The following PCDHGA9 variants were observed in gnomAD, a reference collection of about 807,000 sequenced individuals.
PCDHGA9 encodes the protein protocadherin gamma subfamily A, 9.
In PCDHGA9, 37 loss-of-function variants were observed where a neutral mutation model predicts 62.5. The observed-to-expected ratio is 0.59, with a 90% CI of 0.46 to 0.78. The LOEUF (loss-of-function observed/expected upper bound fraction) is 0.78, where lower values mean the gene tolerates loss of function less well. Ranked by LOEUF, PCDHGA9 falls within the 30% of genes least tolerant of loss-of-function variation. PCDHGA9 has a pLI of 0.00. For synonymous variants in PCDHGA9, 459 were observed against 484.6 expected, an observed-to-expected ratio of 0.95 and a Z score of 0.69; for missense variants, 1,138 against 1,166.2, an observed-to-expected ratio of 0.98 and a Z score of 0.35.
At position 141,476,090 on chromosome 5, in the gene PCDHGA9, C is replaced by T; in HGVS notation, c.2425-18717C>T. On this transcript the variant is annotated intron_variant, in intron 1 of 3. Coordinates refer to ENST00000573521, the MANE Select transcript of PCDHGA9 (RefSeq NM_018921.3). The surrounding 1 kb of genome is among the most constrained non-coding windows in gnomAD (Gnocchi z 7.6). ...GAAATCTCAGGGACGATCTGGACCC[C>T]GCTGAGAGGAACTGCTTTTGAGTGA... 3 of 1,562,222 alleles carry T rather than the reference C, an allele frequency of 1.9e-6. No individual in the cohort carries two copies. Among genetic ancestry groups the T allele is most frequent in the African/African-American group, 1.4e-5 (1 of 73,764 alleles).
In PCDHGA9 at chr5:141,419,638, C is replaced by T. The variant is rs191182165; in HGVS notation, c.2424+14262C>T. On this transcript the variant is annotated intron_variant, in intron 1 of 3. Coordinates refer to ENST00000573521, the MANE Select transcript of PCDHGA9 (RefSeq NM_018921.3). Reference sequence around the variant, plus strand: ...GCTACCTGGTGACCAAGGTGGTGGCCGTGGACGCGGACTCGGGGCACAATG... The same window carrying T: ...GCTACCTGGTGACCAAGGTGGTGGCTGTGGACGCGGACTCGGGGCACAATG... The T allele has an allele frequency of 4.9e-3, 7,979 of 1,612,456 alleles. 44 individuals are homozygous for T. Among genetic ancestry groups the T allele is most frequent in the Admixed American group, 9.5e-3 (568 of 60,000 alleles).
chr5:141,478,878 T>C (rs946127535), intron 1 of PCDHGA9: 8 of 1,250,076 alleles, frequency 6.4e-6, no homozygotes, highest in Non-Finnish European at 8.6e-6. Context: ...GAGTTTAGCT[T>C]GGTATCATTT....
chr5:141,486,590 C>T lies in PCDHGA9; in HGVS notation c.2425-8217C>T, dbSNP rs781629297. On this transcript the variant is annotated intron_variant, in intron 1 of 3. Transcript: ENST00000573521. This position sits in a 1 kb window ranked among gnomAD's most constrained non-coding sequence, Gnocchi z 5.0. Reference sequence around the variant, plus strand: ...TCCTGAGAACAATCGCCCAGGGGACCTGCTTTGCTCCCTTGCAGCCTCTGA... The same window carrying T: ...TCCTGAGAACAATCGCCCAGGGGACTTGCTTTGCTCCCTTGCAGCCTCTGA... The T allele has an allele frequency of 6.2e-7, 1 of 1,613,640 alleles. No individual in the cohort carries two copies.
At chr5:141,495,910 A>C (rs2154591812) in intron 2 of PCDHGA9, among the ~76,000 whole-genome samples, 1 of 151,278 alleles carries the variant, frequency 6.6e-6, no homozygotes, top group East Asian at 1.9e-4. Flanking sequence ...GTCTCTGTAT[A>C]TCTTTCTTTG....
chr5:141,470,872 TTTTTTG>T (rs900302332), intron 1 of PCDHGA9, among the ~76,000 whole-genome samples: 3 of 151,814 alleles, frequency 2.0e-5, no homozygotes, highest in African/African-American at 4.8e-5. Context: ...GTTTGTTTGT[TTTTTTG>T]TTTTTGTTTT....
chr5:141,436,337 A>G (rs1450981655), intron 1 of PCDHGA9, among the ~76,000 whole-genome samples: 1 of 152,178 alleles, frequency 6.6e-6, no homozygotes, highest in Non-Finnish European at 1.5e-5. Flanking sequence ...CATATCTCAA[A>G]TATCAGTGAC....
Position 141,404,815 on chromosome 5 carries a change from G to A in PCDHGA9, c.1863G>A (p.Leu621=). 1.2e-6 allele frequency: 2 copies of A among 1,610,532 alleles called. No individual in the cohort carries two copies. The highest frequency in any genetic ancestry group is 1.1e-5 in the South Asian group (1 of 90,772). Residue 621 remains leucine, a synonymous_variant, in exon 1 of 4, where the codon CTG becomes CTA. Transcript: ENST00000573521. ...ASEPGLFSVG[L]HTGEVRTARA... Reference sequence around the variant, plus strand: ...AGCCAGGGCTCTTCTCGGTGGGGCTGCACACAGGTGAAGTGCGCACAGCTC... The same window carrying A: ...AGCCAGGGCTCTTCTCGGTGGGGCTACACACAGGTGAAGTGCGCACAGCTC...
In PCDHGA9 at chr5:141,432,038, C is replaced by T. The variant is rs202246871; in HGVS notation, c.2424+26662C>T. ...CAACATCACAGTGACCGCCACTGAC[C>T]GGGGAACCCCGCCCCTATCCACGGA... On this transcript the variant is annotated intron_variant, in intron 1 of 3. Coordinates refer to ENST00000573521, the MANE Select transcript of PCDHGA9 (RefSeq NM_018921.3). The surrounding 1 kb of genome is among the most constrained non-coding windows in gnomAD (Gnocchi z 6.0). 15 of 1,614,190 alleles carry T rather than the reference C, an allele frequency of 9.3e-6. No individual in the cohort carries two copies. The African/African-American group carries it at 1.5e-4, about 16-fold the overall frequency.
rs770534822 is a variant in PCDHGA9, at chr5:141,404,805, C to T, written c.1853C>T (p.Ser618Leu). The T allele has an allele frequency of 1.7e-5, 28 of 1,613,842 alleles. No individual in the cohort carries two copies. The highest frequency in any genetic ancestry group is 6.7e-5 in the Admixed American group (4 of 59,998). The change falls in exon 1 of 4, where the codon TCG becomes TTG. Residue 618 changes from serine (S) to leucine (L), a missense_variant. Ser to Leu is a moderately radical substitution (Grantham distance 145, BLOSUM62 -2). Coordinates refer to ENST00000573521, the MANE Select transcript of PCDHGA9 (RefSeq NM_018921.3). The stretch of plus-strand genomic sequence containing the variant: ...AAGGCCAGTGAGCCAGGGCTCTTCT[C>T]GGTGGGGCTGCACACAGGTGAAGTG... ...LFKASEPGLF[S>L]VGLHTGEVRT...
chr5:141,501,290 T>TACACATACACAC (rs1224133816), intron 2 of PCDHGA9, among the ~76,000 whole-genome samples: 9 of 136,158 alleles, frequency 6.6e-5, no homozygotes, highest in Admixed American at 1.6e-4. Context: ...TATTCCCTTA[T>TACACATACACAC]ACACACACAC....
Position 141,477,689 on chromosome 5 carries a change from C to T in PCDHGA9, c.2425-17118C>T. The T allele has an allele frequency of 6.2e-7, 1 of 1,614,156 alleles. No individual in the cohort carries two copies. The highest frequency in any genetic ancestry group is 8.5e-7 in the Non-Finnish European group (1 of 1,180,024). ...TGGCATAGTGTCATCCTTAGTGCCC[C>T]TAGACTATGAGGATCGGCGGGAATT... On this transcript the variant is annotated intron_variant, in intron 1 of 3. Transcript: ENST00000573521. This position sits in a 1 kb window ranked among gnomAD's most constrained non-coding sequence, Gnocchi z 4.9.
At chr5:141,421,376 C>T in intron 1 of PCDHGA9, 2 of 1,614,030 alleles carry the variant, frequency 1.2e-6, no homozygotes, top group Non-Finnish European at 1.7e-6. Context: ...GGCAATATCT[C>T]CAAGGACCTG....
chr5:141,410,778 G>T, intron 1 of PCDHGA9: 3 of 818,726 alleles, frequency 3.7e-6, no homozygotes, highest in Non-Finnish European at 3.4e-6. Flanking sequence ...TTTTCACTAT[G>T]TATTTGGTTC....
chr5:141,499,479 C>T (rs1019775735), intron 2 of PCDHGA9, among the ~76,000 whole-genome samples: 1 of 152,146 alleles, frequency 6.6e-6, no homozygotes. Context: ...AGAACCACCA[C>T]CAACTACAGT....
In PCDHGA9 at chr5:141,431,937, A is replaced by T; in HGVS notation, c.2424+26561A>T. On this transcript the variant is annotated intron_variant, in intron 1 of 3. Coordinates refer to ENST00000573521, the MANE Select transcript of PCDHGA9 (RefSeq NM_018921.3). The surrounding 1 kb of genome is among the most constrained non-coding windows in gnomAD (Gnocchi z 4.8). ...TTCATCCAAGGAAATCTGCCCTTTAAATTAGAAAAATCTTACGGAAATTAC... is the reference window on the plus strand; with the variant it reads ...TTCATCCAAGGAAATCTGCCCTTTATATTAGAAAAATCTTACGGAAATTAC... The T allele has an allele frequency of 6.2e-7, 1 of 1,614,144 alleles. No individual in the cohort carries two copies. The highest frequency in any genetic ancestry group is 8.5e-7 in the Non-Finnish European group (1 of 1,180,014).
At chr5:141,494,514 G>T (rs1457018569) in intron 1 of PCDHGA9, among the ~76,000 whole-genome samples, 2 of 152,160 alleles carry the variant, frequency 1.3e-5, no homozygotes, top group South Asian at 2.1e-4. Context: ...TTTTGGCTCA[G>T]GAGTTCTGAC....
Position 141,464,048 on chromosome 5 carries a change from T to G in PCDHGA9, c.2425-30759T>G, listed in dbSNP as rs377735829. Reference sequence around the variant, plus strand: ...GGGAGGCCAAGGCGGGTGGATCACCTGAGGTCAGGAGTTCAAGGCCAGCCT... The same window carrying G: ...GGGAGGCCAAGGCGGGTGGATCACCGGAGGTCAGGAGTTCAAGGCCAGCCT... On this transcript the variant is annotated intron_variant, in intron 1 of 3. Transcript: ENST00000573521. 1.2e-4 allele frequency among the ~76,000 whole-genome samples: 18 copies of G among 152,260 alleles called. No individual in the cohort carries two copies. In the East Asian group the frequency reaches 3.5e-3, roughly 29 times the overall value.
At chr5:141,478,603 A>C (rs116528962) in intron 1 of PCDHGA9, 173 of 1,563,096 alleles carry the variant, frequency 1.1e-4, no homozygotes, top group Non-Finnish European at 1.4e-4. Context: ...CCTACATCAT[A>C]TTGAGGAAGG....
chr5:141,500,184 T>TTTTATTTA (rs58019021), intron 2 of PCDHGA9, among the ~76,000 whole-genome samples: 1,392 of 135,954 alleles, frequency 0.01, 12 homozygotes, highest in South Asian at 0.02. Flanking sequence ...TCATTTTTAT[T>TTTTATTTA]TTTATTTATT....
Sources: allele counts gnomAD v4.1 joint callset (sites outside exome capture counted in the v4.1 genomes callset), GRCh38; gene constraint gnomAD v4.1.1; non-coding constraint Gnocchi (gnomAD v3.1); transcripts MANE v1.5; gene names NCBI Gene and HGNC (gene_info 2026-07-23, HGNC 2026-07-21).